AP3B1: variants seen among roughly 807,000 people sequenced by gnomAD.
The protein encoded by AP3B1 is adaptor related protein complex 3 subunit beta 1.
Under a neutral mutation model 132.5 loss-of-function variants are expected in AP3B1, and 61 were observed. The ratio of observed to expected loss-of-function variants is 0.46; its 90% CI spans 0.37 to 0.57. The LOEUF (loss-of-function observed/expected upper bound fraction) is 0.57, where lower values mean the gene tolerates loss of function less well. Among genes scored for constraint, AP3B1 ranks in the 20% least tolerant of loss-of-function variants. The pLI is 0.00. For missense variants in AP3B1, 1,120 were observed against 1,289.4 expected, an observed-to-expected ratio of 0.87 and a Z score of 2.01; for synonymous variants, 388 against 438.3, an observed-to-expected ratio of 0.89 and a Z score of 1.43.
chr5:78,294,363 C>T lies in AP3B1; in HGVS notation c.128+89G>A. ...CTGCTCAGACCTCAGGGCGACCCCG[C>T]TCCTCTCCAGGAAGCCCACCCTGGC... On this transcript the variant is annotated intron_variant, in intron 1 of 26. Coordinates refer to ENST00000255194, the MANE Select transcript of AP3B1 (RefSeq NM_003664.5). 14 of 1,597,714 alleles carry T rather than the reference C, an allele frequency of 8.8e-6. No individual in the cohort carries two copies. The South Asian group carries it at 1.4e-4, about 16-fold the overall frequency.
chr5:78,246,959 T>C (rs1049890895), intron 2 of AP3B1, among the ~76,000 whole-genome samples: 1 of 152,122 alleles, frequency 6.6e-6, no homozygotes, highest in African/African-American at 2.4e-5. Flanking sequence ...TTTATTACTA[T>C]AAATTTCCTT....
chr5:78,113,914 G>A lies in AP3B1; in HGVS notation c.2087C>T (p.Ser696Phe). The change falls in exon 19 of 27, where the codon TCT becomes TTT. Residue 696 changes from serine (S) to phenylalanine (F), a missense_variant. This residue lies in a region of AP3B1 where 906 missense variants were observed against 997.1 expected (regional missense o/e 0.91). Coordinates refer to ENST00000255194, the MANE Select transcript of AP3B1 (RefSeq NM_003664.5). Reference sequence around the variant, plus strand: ...GCCTTGTTCTCCACTTTCACTTCCAGATTCACTCTCTGAAAAACAGAACCA... The same window carrying A: ...GCCTTGTTCTCCACTTTCACTTCCAAATTCACTCTCTGAAAAACAGAACCA... ...SDSSSDSESE[S>F]GSESGEQGES... 1 of 1,614,004 alleles carries A rather than the reference G, an allele frequency of 6.2e-7. No homozygotes were observed. Among genetic ancestry groups the A allele is most frequent in the Non-Finnish European group, 8.5e-7 (1 of 1,179,978 alleles).
intron 22 of AP3B1, 35 bp from the exon 23 acceptor site, chr5:78,039,309 T>TA: frequency 6.8e-7 from 1 of 1,477,164 alleles, no homozygotes; most frequent in East Asian, 2.3e-5. Flanking sequence ...AAAGATGAGT[T>TA]AGTGAATATA....
intron 23 of AP3B1, among the ~76,000 whole-genome samples, chr5:78,038,325 G>T (rs948985664): frequency 4.6e-5 from 7 of 152,196 alleles, no homozygotes; most frequent in African/African-American, 1.7e-4. Context: ...TCTATACATG[G>T]AGAGGAAGAT....
chr5:78,207,994 C>T (rs1745579547), intron 7 of AP3B1, among the ~76,000 whole-genome samples: 1 of 152,018 alleles, frequency 6.6e-6, no homozygotes, highest in Non-Finnish European at 1.5e-5. Context: ...ATTTTATCTC[C>T]CATCTACCCA....
intron 18 of AP3B1, among the ~76,000 whole-genome samples, chr5:78,115,812 T>C (rs1270849444): frequency 6.6e-6 from 1 of 152,218 alleles, no homozygotes; most frequent in African/African-American, 2.4e-5. Flanking sequence ...TAAAAGTTCA[T>C]CAAGTGTAAA....
In AP3B1 at chr5:78,111,403, T is replaced by C. The variant is rs539607562; in HGVS notation, c.2250-1049A>G. On this transcript the variant is annotated intron_variant, in intron 19 of 26. Coordinates refer to ENST00000255194, the MANE Select transcript of AP3B1 (RefSeq NM_003664.5). ...TGGTTAGTAAGACACAGAGGATCTC[T>C]GTGTGTCTACCCTACAGGGTCTACG... 3.3e-5 allele frequency among the ~76,000 whole-genome samples: 5 copies of C among 152,316 alleles called. No homozygotes were observed. The East Asian group carries it at 7.7e-4, about 23-fold the overall frequency.
rs1309003047 is a variant in AP3B1 at position 78,002,547 on chromosome 5, A to G, written c.*355T>C. 1.9e-6 allele frequency: 1 copy of G among 536,556 alleles called. No homozygotes were observed. Among genetic ancestry groups the G allele is most frequent in the Admixed American group, 3.5e-5 (1 of 28,750 alleles). 33.2% of individuals were successfully genotyped at this position (536,556 alleles called of 1,614,324 possible). ...CTAATTTTTGCTTACTGCTGTAGGG[A>G]AGAAGATTTCCAATGAACTTTAAAT... On this transcript the variant is annotated 3_prime_UTR_variant, in exon 27 of 27. Coordinates refer to ENST00000255194, the MANE Select transcript of AP3B1 (RefSeq NM_003664.5).
At chr5:78,177,176 G>A (rs1423852623) in intron 9 of AP3B1, among the ~76,000 whole-genome samples, 163 bp downstream of exon 9, 1 of 152,118 alleles carries the variant, frequency 6.6e-6, no homozygotes, top group Non-Finnish European at 1.5e-5. Context: ...TGAGATAAAT[G>A]CATAAAGACT....
chr5:78,087,530 T>C, intron 22 of AP3B1: 14 of 985,212 alleles, frequency 1.4e-5, no homozygotes, highest in Non-Finnish European at 1.7e-5. Flanking sequence ...GGTGAACTTC[T>C]GGTTGTCATT....
chr5:78,014,346 A>C (rs892804259), intron 26 of AP3B1, among the ~76,000 whole-genome samples: 1 of 152,184 alleles, frequency 6.6e-6, no homozygotes, highest in Admixed American at 6.5e-5. Flanking sequence ...GTCAAATCTA[A>C]TGTTCTTTCA....
chr5:78,004,856 T>TTTA, intron 26 of AP3B1, among the ~76,000 whole-genome samples: 1 of 152,202 alleles, frequency 6.6e-6, no homozygotes, highest in Non-Finnish European at 1.5e-5. Flanking sequence ...TAAAGAGGTT[T>TTTA]TTATAAACCT....
At chr5:78,128,187 A>G in intron 16 of AP3B1, 27 bp from the exon 17 acceptor site, 1 of 1,545,296 alleles carries the variant, frequency 6.5e-7, no homozygotes, top group Non-Finnish European at 8.9e-7. Flanking sequence ...AAAATATAAA[A>G]TAAACAATAT....
At chr5:78,140,988 T>TA (rs1332094918) in intron 15 of AP3B1, among the ~76,000 whole-genome samples, 155 bp downstream of exon 15, 1 of 152,230 alleles carries the variant, frequency 6.6e-6, no homozygotes, top group Non-Finnish European at 1.5e-5. Flanking sequence ...GAATGTCATC[T>TA]GTTTGCACTA....
At chr5:78,090,298 T>C (rs1750457132) in intron 21 of AP3B1, among the ~76,000 whole-genome samples, 1 of 152,264 alleles carries the variant, frequency 6.6e-6, no homozygotes, top group Non-Finnish European at 1.5e-5. Flanking sequence ...AAATGCATTT[T>C]AAACTTTGCA....
chr5:78,056,852 C>T (rs574607429), intron 22 of AP3B1, among the ~76,000 whole-genome samples: 2 of 152,234 alleles, frequency 1.3e-5, no homozygotes, highest in Non-Finnish European at 2.9e-5. Context: ...AGTCCTCTTT[C>T]CCTCCCAATT....
chr5:78,055,255 C>T (rs879729290), intron 22 of AP3B1, among the ~76,000 whole-genome samples: 3 of 152,162 alleles, frequency 2.0e-5, no homozygotes, highest in Non-Finnish European at 4.4e-5. Flanking sequence ...CTGGCCAGGT[C>T]TTCTCAGGCT....
chr5:78,033,391 C>T (rs1298597661), intron 24 of AP3B1, among the ~76,000 whole-genome samples: 1 of 152,034 alleles, frequency 6.6e-6, no homozygotes, highest in Non-Finnish European at 1.5e-5. Context: ...TTATATTTAT[C>T]ATTGCAGGTT....
At chr5:78,026,212 T>C (rs1463512598) in intron 24 of AP3B1, among the ~76,000 whole-genome samples, 2 of 152,202 alleles carry the variant, frequency 1.3e-5, no homozygotes, top group African/African-American at 4.8e-5. Flanking sequence ...AATTAACAGT[T>C]ACCAGATCAA....
Sources: allele counts gnomAD v4.1 joint callset (sites outside exome capture counted in the v4.1 genomes callset), GRCh38; gene constraint gnomAD v4.1.1; regional missense constraint gnomAD v4.1.1; transcripts MANE v1.5; gene names NCBI Gene and HGNC (gene_info 2026-07-23, HGNC 2026-07-21).